Variants in ADAM32 observed in about 807,000 individuals in gnomAD.
The protein encoded by ADAM32 is disintegrin and metalloproteinase domain-containing protein 32.
In ADAM32, 89 loss-of-function variants were observed where a neutral mutation model predicts 114.9. The observed-to-expected ratio is 0.77, with a 90% CI of 0.65 to 0.92. ADAM32 has a LOEUF of 0.92. ADAM32 is among the 40% of genes least tolerant of loss of function. The pLI, the probability that ADAM32 is intolerant of heterozygous loss-of-function variation, is 0.00. For synonymous variants in ADAM32, 285 were observed against 307.5 expected, an observed-to-expected ratio of 0.93 and a Z score of 0.77; for missense variants, 870 against 932.8, an observed-to-expected ratio of 0.93 and a Z score of 0.88.
chr8:39,144,255 T>G (rs891833007), intron 3 of ADAM32, among the ~76,000 whole-genome samples: 1 of 152,212 alleles, frequency 6.6e-6, no homozygotes, highest in Non-Finnish European at 1.5e-5. Context: ...CCCAGTGAGA[T>G]GAACCAGGTA....
At chr8:39,198,260 T>C (rs1807146599) in intron 11 of ADAM32, among the ~76,000 whole-genome samples, 1 of 152,210 alleles carries the variant, frequency 6.6e-6, no homozygotes, top group Non-Finnish European at 1.5e-5. Flanking sequence ...TTTCAGCCAG[T>C]CTATATTTTT....
At chr8:39,258,462 T>G (rs1257596706) in intron 19 of ADAM32, among the ~76,000 whole-genome samples, 1 of 152,108 alleles carries the variant, frequency 6.6e-6, no homozygotes, top group Admixed American at 6.5e-5. Flanking sequence ...TAAAAAAATT[T>G]GAAAAATCTA....
intron 3 of ADAM32, among the ~76,000 whole-genome samples, chr8:39,139,357 T>G (rs1338616233): frequency 1.3e-5 from 2 of 152,126 alleles, no homozygotes; most frequent in Non-Finnish European, 2.9e-5. Flanking sequence ...TTTTGTATGG[T>G]GTAAGGAAGG....
chr8:39,238,288 T>C (rs1041597158), intron 16 of ADAM32, among the ~76,000 whole-genome samples: 1 of 152,156 alleles, frequency 6.6e-6, no homozygotes, highest in African/African-American at 2.4e-5. Context: ...CAACTGAAAG[T>C]CCAGTAGCTC....
rs539693866 is a variant in ADAM32 at position 39,276,923 on chromosome 8, C to A, written c.2279+1057C>A. ...TCAGCATTGTATAGCTAGCATGTAG[C>A]AGAGTGCTCGGCTCATATTATAAGT... is the stretch of plus-strand genomic sequence containing the variant. On this transcript the variant is annotated intron_variant, in intron 22 of 24. Transcript: ENST00000379907. Among the ~76,000 whole-genome samples, 6 of 152,216 alleles carry A rather than the reference C, an allele frequency of 3.9e-5. No individual in the cohort carries two copies. The South Asian group carries it at 1.2e-3, about 32-fold the overall frequency.
At chr8:39,228,305 G>C (rs867468825) in intron 14 of ADAM32, among the ~76,000 whole-genome samples, 1 of 152,032 alleles carries the variant, frequency 6.6e-6, no homozygotes, top group Non-Finnish European at 1.5e-5. Flanking sequence ...ACTAGTTCAC[G>C]AGCAATGGAT....
At chr8:39,251,325 C>T (rs1403242239) in intron 17 of ADAM32, among the ~76,000 whole-genome samples, 5 of 151,590 alleles carry the variant, frequency 3.3e-5, no homozygotes, top group South Asian at 2.1e-4. Flanking sequence ...TCCACAGCCT[C>T]GCCAGCATTG....
At chr8:39,186,243 C>T (rs139855775) in intron 10 of ADAM32, among the ~76,000 whole-genome samples, 1 of 152,332 alleles carries the variant, frequency 6.6e-6, no homozygotes, top group African/African-American at 2.4e-5. Context: ...ATGTCTTTAT[C>T]TTCCTCCTCC....
chr8:39,197,161 G>A (rs752766252), intron 11 of ADAM32, among the ~76,000 whole-genome samples: 3 of 151,792 alleles, frequency 2.0e-5, no homozygotes, highest in Admixed American at 6.6e-5. Flanking sequence ...ATGATTTTTT[G>A]TATTTTTGTG....
chr8:39,232,728 G>A (rs2129449347), intron 15 of ADAM32, among the ~76,000 whole-genome samples: 1 of 152,164 alleles, frequency 6.6e-6, no homozygotes, highest in East Asian at 1.9e-4. Context: ...ACTAATTTGT[G>A]AGCTTTGACT....
intron 11 of ADAM32, among the ~76,000 whole-genome samples, chr8:39,209,835 A>G (rs1008636165): frequency 6.6e-6 from 1 of 152,166 alleles, no homozygotes; most frequent in Non-Finnish European, 1.5e-5. Flanking sequence ...CCCCTAGCAG[A>G]AGGAGTTGCT....
chr8:39,279,454 T>C (rs1376641326), intron 22 of ADAM32, among the ~76,000 whole-genome samples: 1 of 152,196 alleles, frequency 6.6e-6, no homozygotes, highest in Non-Finnish European at 1.5e-5. Flanking sequence ...TGGCTAATTT[T>C]TGTAGTTTTA....
At chr8:39,273,973 T>C (rs10092542) in intron 20 of ADAM32, among the ~76,000 whole-genome samples, 9 of 152,208 alleles carry the variant, frequency 5.9e-5, no homozygotes, top group Non-Finnish European at 1.0e-4. Flanking sequence ...GTGAGAATCA[T>C]GCAAAGTCAA....
At chr8:39,125,966 G>A (rs1171178471) in intron 2 of ADAM32, among the ~76,000 whole-genome samples, 1 of 152,088 alleles carries the variant, frequency 6.6e-6, no homozygotes, top group Non-Finnish European at 1.5e-5. Context: ...GAGATCAGAT[G>A]GTTGTAGGCA....
At chr8:39,229,902 A>G (rs1309034605) in intron 14 of ADAM32, among the ~76,000 whole-genome samples, 1 of 152,188 alleles carries the variant, frequency 6.6e-6, no homozygotes, top group African/African-American at 2.4e-5. Context: ...CATTCTATTT[A>G]ACAATGCATG....
chr8:39,125,900 A>G (rs918782745), intron 2 of ADAM32, among the ~76,000 whole-genome samples: 2 of 152,194 alleles, frequency 1.3e-5, no homozygotes, highest in African/African-American at 4.8e-5. Context: ...TTCTCTTAGC[A>G]CCACTTATTA....
chr8:39,218,873 A>T (rs867032010), intron 12 of ADAM32, among the ~76,000 whole-genome samples: 2 of 151,984 alleles, frequency 1.3e-5, no homozygotes, highest in African/African-American at 2.4e-5. Flanking sequence ...GTGGTAGAGC[A>T]TGTACCTGAA....
At chr8:39,134,425 A>C (rs1802657086) in intron 2 of ADAM32, among the ~76,000 whole-genome samples, 1 of 152,066 alleles carries the variant, frequency 6.6e-6, no homozygotes, top group East Asian at 1.9e-4. Context: ...TCTTCCCTAC[A>C]ATGGGGACTT....
chr8:39,173,861 G>A (rs1585455772), intron 10 of ADAM32, among the ~76,000 whole-genome samples: 2 of 152,074 alleles, frequency 1.3e-5, no homozygotes, highest in Middle Eastern at 6.8e-3. Flanking sequence ...GTCTCACTCT[G>A]TAGCCCAGGC....
Sources: allele counts gnomAD v4.1 joint callset (sites outside exome capture counted in the v4.1 genomes callset), GRCh38; gene constraint gnomAD v4.1.1; transcripts MANE v1.5; gene names NCBI Gene and HGNC (gene_info 2026-07-23, HGNC 2026-07-21).